Variants in TTC21B observed in about 807,000 individuals in gnomAD.
The protein encoded by TTC21B is tetratricopeptide repeat protein 21B.
A neutral mutation model predicts 175.1 loss-of-function variants in TTC21B; 127 were observed. That is an observed-to-expected ratio of 0.73 (90% confidence interval 0.63 to 0.84). TTC21B has a LOEUF of 0.84. Among genes scored for constraint, TTC21B ranks in the 40% least tolerant of loss-of-function variants. TTC21B has a pLI of 0.00. For synonymous variants in TTC21B, 524 were observed against 524.5 expected (o/e 1.00, Z 0.01); for missense variants, 1,561 against 1,558.3 (o/e 1.00, Z -0.03).
intron 19 of TTC21B, among the ~76,000 whole-genome samples, chr2:165,905,508 A>T (rs1456079930): frequency 1.3e-5 from 2 of 152,142 alleles, no homozygotes; most frequent in Non-Finnish European, 2.9e-5. Context: ...ATAATAACAC[A>T]AGACAAAGGA....
intron 6 of TTC21B, among the ~76,000 whole-genome samples, chr2:165,938,736 G>C (rs1369216139): frequency 1.3e-5 from 2 of 151,896 alleles, no homozygotes; most frequent in Non-Finnish European, 2.9e-5. Context: ...GAGGGAGGGA[G>C]AGGGAAGAGG....
At chr2:165,939,753 A>C (rs1413860894) in intron 6 of TTC21B, among the ~76,000 whole-genome samples, 1 of 152,122 alleles carries the variant, frequency 6.6e-6, no homozygotes, top group Non-Finnish European at 1.5e-5. Context: ...TTGAAAGCTA[A>C]ACTCCTTACC....
At chr2:165,947,795 C>A (rs1024222680) in intron 3 of TTC21B, 8 of 152,218 alleles carry the variant, frequency 5.3e-5, no homozygotes, top group African/African-American at 1.9e-4. Flanking sequence ...TGGGCCCCTA[C>A]TAGAGCTCAA....
At chr2:165,901,449 T>C (rs1685555425) in intron 20 of TTC21B, among the ~76,000 whole-genome samples, 1 of 151,956 alleles carries the variant, frequency 6.6e-6, no homozygotes, top group Admixed American at 6.6e-5. Flanking sequence ...GCCTCCCAAG[T>C]AGCTGGGATT....
In TTC21B at chr2:165,913,592, T is replaced by C; in HGVS notation, c.2193A>G (p.Ala731=). The C allele has an allele frequency of 6.2e-7, 1 of 1,612,738 alleles. No individual in the cohort carries two copies. Among genetic ancestry groups the C allele is most frequent in the South Asian group, 1.1e-5 (1 of 91,030 alleles). Residue 731 remains alanine (A), a synonymous_variant, in exon 16 of 29, where the codon GCA becomes GCG. Coordinates refer to ENST00000243344, the MANE Select transcript of TTC21B (RefSeq NM_024753.5). ...ATTTTACCTCTAGAATATTCATGTA[T>C]GCATCACCAAGGAGAAGAAAAGACC... is the stretch of plus-strand genomic sequence containing the variant. The part of the protein sequence containing the change: ...NPRSFLLLGD[A]YMNILEPEEA...
intron 6 of TTC21B, among the ~76,000 whole-genome samples, chr2:165,937,313 T>C (rs1229778255): frequency 6.6e-6 from 1 of 152,094 alleles, no homozygotes; most frequent in African/African-American, 2.4e-5. Flanking sequence ...GGATACACAA[T>C]AAAGATAATT....
In TTC21B at chr2:165,927,567, T is replaced by C. The variant is rs1245441742; in HGVS notation, c.1386+1568A>G. ...ATACATGCTTCAGGGGAAAGGAATGTAGTTTGTTTTACATGGGTATTTCCC... is the reference window on the plus strand; with the variant it reads ...ATACATGCTTCAGGGGAAAGGAATGCAGTTTGTTTTACATGGGTATTTCCC... On this transcript the variant is annotated intron_variant, in intron 11 of 28. Transcript: ENST00000243344. Among the ~76,000 whole-genome samples, 6 of 151,046 alleles carry C rather than the reference T, an allele frequency of 4.0e-5. No homozygotes were observed. The South Asian group carries it at 1.2e-3, about 31-fold the overall frequency.
At chr2:165,928,282 T>C (rs991603620) in intron 11 of TTC21B, among the ~76,000 whole-genome samples, 1 of 152,124 alleles carries the variant, frequency 6.6e-6, no homozygotes, top group African/African-American at 2.4e-5. Context: ...GGAATAAATG[T>C]AGAGTCCTAC....
intron 8 of TTC21B, among the ~76,000 whole-genome samples, chr2:165,931,226 C>A (rs1686894751): frequency 1.3e-5 from 2 of 152,012 alleles, no homozygotes; most frequent in Admixed American, 6.6e-5. Context: ...TTTTAACCTT[C>A]TTAGTTTAAT....
chr2:165,949,137 T>C (rs1687681397), intron 3 of TTC21B: 2 of 469,564 alleles, frequency 4.3e-6, no homozygotes, highest in Non-Finnish European at 7.6e-6. Flanking sequence ...TAATATACAT[T>C]CCCTTTTATC....
chr2:165,924,315 T>C (rs1686537248), intron 12 of TTC21B, among the ~76,000 whole-genome samples: 1 of 152,160 alleles, frequency 6.6e-6, no homozygotes, highest in South Asian at 2.1e-4. Context: ...TTTAAAGTGG[T>C]ATAACTGCAT....
chr2:165,876,623 CAA>C (rs1289223374), intron 27 of TTC21B, among the ~76,000 whole-genome samples: 1 of 152,180 alleles, frequency 6.6e-6, no homozygotes, highest in Non-Finnish European at 1.5e-5. Flanking sequence ...CTTACACAGG[CAA>C]ACTGATGCCT....
At chr2:165,903,787 G>T (rs1266545340) in intron 19 of TTC21B, among the ~76,000 whole-genome samples, 1 of 152,178 alleles carries the variant, frequency 6.6e-6, no homozygotes, top group Non-Finnish European at 1.5e-5. Context: ...GTTACATAAT[G>T]TGGAGAATTA....
intron 11 of TTC21B, among the ~76,000 whole-genome samples, chr2:165,926,661 T>C (rs1205580795): frequency 6.6e-6 from 1 of 152,016 alleles, no homozygotes; most frequent in Non-Finnish European, 1.5e-5. Context: ...CCAAAGGAGA[T>C]TAACGTTTGA....
intron 11 of TTC21B, chr2:165,928,912 G>C (rs558559428): frequency 1.5e-5 from 8 of 516,540 alleles, no homozygotes; most frequent in South Asian, 1.5e-4. Context: ...AAGATTTTAA[G>C]ATTTTATGAA....
chr2:165,912,605 G>A lies in TTC21B; in HGVS notation c.2231C>T (p.Ala744Val). 6.2e-7 allele frequency: 1 copy of A among 1,614,016 alleles called. No homozygotes were observed. Among genetic ancestry groups the A allele is most frequent in the South Asian group, 1.1e-5 (1 of 91,074 alleles). The change falls in exon 17 of 29, where the codon GCA becomes GTA. Residue 744 changes from alanine to valine, a missense_variant. Ala to Val is a moderately conservative substitution (Grantham distance 64). Coordinates refer to ENST00000243344, the MANE Select transcript of TTC21B (RefSeq NM_024753.5). Reference sequence around the variant, plus strand: ...GTTCTGATTTAATGCTTGCTCATATGCTACTATGGCTTCTTCAGGCTAATA... The same window carrying A: ...GTTCTGATTTAATGCTTGCTCATATACTACTATGGCTTCTTCAGGCTAATA... ...NILEPEEAIVAYEQALNQNPK... is the reference protein window; with the variant it reads ...NILEPEEAIVVYEQALNQNPK...
At chr2:165,949,786 A>T (rs1687705332) in intron 1 of TTC21B, 62 bp from the exon 2 acceptor site, 1 of 1,504,882 alleles carries the variant, frequency 6.6e-7, no homozygotes, top group South Asian at 1.1e-5. Flanking sequence ...TACTCTAAGA[A>T]GCAGATAATA....
At chr2:165,940,041 C>T (rs985229056) in intron 6 of TTC21B, among the ~76,000 whole-genome samples, 4 of 152,134 alleles carry the variant, frequency 2.6e-5, no homozygotes, top group Non-Finnish European at 5.9e-5. Context: ...ATTCTGAACA[C>T]TTCACAACAG....
At chr2:165,925,494 C>T (rs561049452) in intron 11 of TTC21B, among the ~76,000 whole-genome samples, 1 of 152,236 alleles carries the variant, frequency 6.6e-6, no homozygotes, top group African/African-American at 2.4e-5. Context: ...ACCCCAAGCC[C>T]CCTGACACAT....
Sources: gnomAD v4.1 joint callset for allele counts (sites outside exome capture counted in the v4.1 genomes callset) on GRCh38, gnomAD v4.1.1 for gene constraint, MANE v1.5 for transcripts, NCBI Gene and HGNC (gene_info 2026-07-23, HGNC 2026-07-21) for gene names.